The following EIF3D variants were observed in gnomAD, a reference collection of about 807,000 sequenced individuals.
EIF3D encodes eukaryotic translation initiation factor 3 subunit D, also known as eIF3 p66.
A neutral mutation model predicts 75.4 loss-of-function variants in EIF3D; 10 were observed. That is an observed-to-expected ratio of 0.13 (90% CI 0.08 to 0.22). The LOEUF is 0.22. Ranked by LOEUF, EIF3D falls within the 10% of genes least tolerant of loss-of-function variation. The pLI is 1.00. For missense variants in EIF3D, 394 were observed against 708.0 expected (o/e 0.56, Z 5.03); for synonymous variants, 246 against 248.3 (o/e 0.99, Z 0.09).
intron 6 of EIF3D, among the ~76,000 whole-genome samples, chr22:36,521,862 G>A (rs754367830): frequency 1.3e-5 from 2 of 151,536 alleles, no homozygotes; most frequent in Non-Finnish European, 2.9e-5. Context: ...ACTTTAACCC[G>A]GGAGGCGGAG....
chr22:36,514,539 G>A (rs752938513), intron 12 of EIF3D, among the ~76,000 whole-genome samples: 38 of 148,526 alleles, frequency 2.6e-4, no homozygotes, highest in East Asian at 1.0e-3. Context: ...GGTCGGAGAC[G>A]GAGGAAGTCA....
Position 36,523,975 on chromosome 22 carries a change from G to A in EIF3D, c.312C>T (p.Asn104=). 1 of 1,614,058 alleles carries A rather than the reference G, an allele frequency of 6.2e-7. No homozygotes were observed. Among genetic ancestry groups the A allele is most frequent in the Non-Finnish European group, 8.5e-7 (1 of 1,180,000 alleles). Residue 104 remains asparagine (N), a synonymous_variant, in exon 5 of 15, where the codon AAC becomes AAT. Coordinates refer to ENST00000216190, the MANE Select transcript of EIF3D (RefSeq NM_003753.4). ...TCCGACGATCTTTGTCTCTGCGGAG[G>A]TTCCTCTGGGCATCAGCAAGAAACA... ...QRNRMRFAQR[N]LRRDKDRRNM...
chr22:36,517,087 C>T (rs932944371), intron 10 of EIF3D, among the ~76,000 whole-genome samples: 1 of 152,166 alleles, frequency 6.6e-6, no homozygotes, highest in African/African-American at 2.4e-5. Context: ...TGTGTTTCCT[C>T]CTCCACTATC....
Position 36,524,645 on chromosome 22 carries a change from G to A in EIF3D, c.257C>T (p.Ala86Val), listed in dbSNP as rs200745110. The A allele has an allele frequency of 6.1e-5, 98 of 1,614,114 alleles. No individual in the cohort carries two copies. In the East Asian group the frequency reaches 1.4e-3, roughly 23 times the overall value. Residue 86 changes from alanine to valine, a missense_variant, in exon 4 of 15, where the codon GCG (alanine) becomes GTG (valine). Physicochemically the swap from Ala to Val is moderately conservative, Grantham distance 64 (BLOSUM62 0). Coordinates refer to ENST00000216190, the MANE Select transcript of EIF3D (RefSeq NM_003753.4). ...DESSFQLVDT[A>V]RTQKTAYQRN... The stretch of plus-strand genomic sequence containing the variant: ...CTGGTAGGCCGTCTTCTGTGTGCGC[G>A]CTGTATCCACCAGCTGGAAGCTACT...
In EIF3D at chr22:36,524,702, C is replaced by T. The variant is rs1340323473; in HGVS notation, c.200G>A (p.Ser67Asn). 3.1e-6 allele frequency: 5 copies of T among 1,614,110 alleles called. No homozygotes were observed. The highest frequency in any genetic ancestry group is 3.4e-6 in the Non-Finnish European group (4 of 1,180,062). The change falls in exon 4 of 15, where the codon AGT (serine) becomes AAT (asparagine). Residue 67 changes from serine (S) to asparagine (N), a missense_variant. Transcript: ENST00000216190. ...CTCCTCATGGAAATAAGCATATTGA[C>T]TTCCACCACCAAACTGAGAGGAGTA... ...NKYSSQFGGGSQYAYFHEEDE... is the reference protein window; with the variant it reads ...NKYSSQFGGGNQYAYFHEEDE...
At chr22:36,514,346 G>C (rs1243279946) in intron 12 of EIF3D, among the ~76,000 whole-genome samples, 5 of 120,402 alleles carry the variant, frequency 4.2e-5, no homozygotes, top group African/African-American at 1.5e-4. Context: ...TGCCCTTGCA[G>C]AGTCTCCTCC....
chr22:36,525,730 C>G (rs375367466), intron 2 of EIF3D, 21 bp from the exon 3 acceptor site: 6 of 1,610,368 alleles, frequency 3.7e-6, no homozygotes, highest in Non-Finnish European at 5.1e-6. Context: ...CAAGAAAAGA[C>G]AGAGAATGCA....
Position 36,516,747 on chromosome 22 carries a change from TC to T in EIF3D, c.1033del (p.Glu345ArgfsTer37). ...GATTTCATTCTTATCCATGTCGTCC[TC>T]CACAAACGGGTTTGGGTTGGGGAAG... is the stretch of plus-strand genomic sequence containing the variant. ...YNFPNPNPFV[E>X]DDMDKNEIAS... On this transcript the variant is annotated frameshift_variant, in exon 11 of 15. Coordinates refer to ENST00000216190, the MANE Select transcript of EIF3D (RefSeq NM_003753.4). LOFTEE classifies it high-confidence loss of function. The T allele has an allele frequency of 6.2e-7, 1 of 1,614,224 alleles. No individual in the cohort carries two copies. Among genetic ancestry groups the T allele is most frequent in the Non-Finnish European group, 8.5e-7 (1 of 1,180,038 alleles).
intron 6 of EIF3D, among the ~76,000 whole-genome samples, chr22:36,522,619 G>A (rs1934531427): frequency 6.6e-6 from 1 of 152,158 alleles, no homozygotes. Context: ...AAAATCCCGA[G>A]ACAGAAAACA....
At chr22:36,512,750 CAT>C in intron 12 of EIF3D, 148 bp from the exon 13 acceptor site, 1 of 890,984 alleles carries the variant, frequency 1.1e-6, no homozygotes, top group South Asian at 1.8e-5. Context: ...GAGACAAAGA[CAT>C]AGTCCCTTCC....
chr22:36,511,046 TATG>T (rs749769725), intron 14 of EIF3D, 46 bp from the exon 15 acceptor site: 1 of 1,594,070 alleles, frequency 6.3e-7, no homozygotes, highest in South Asian at 1.1e-5. Flanking sequence ...GGTTGTGTGA[TATG>T]ATGTTCACTT....
chr22:36,519,068 T>C (rs988069885), intron 8 of EIF3D, among the ~76,000 whole-genome samples, 158 bp from the exon 9 acceptor site: 1 of 152,244 alleles, frequency 6.6e-6, no homozygotes, highest in Non-Finnish European at 1.5e-5. Context: ...AGCCAGCAAG[T>C]TTCGGGTGGC....
At chr22:36,521,660 C>T (rs111413157) in intron 6 of EIF3D, among the ~76,000 whole-genome samples, 9,786 of 151,874 alleles carry the variant, frequency 0.064, 1,086 homozygotes, top group African/African-American at 0.23. Context: ...GGTGTGGTGC[C>T]TCACGCCTGT....
intron 12 of EIF3D, among the ~76,000 whole-genome samples, chr22:36,513,432 A>T (rs1350723050): frequency 1.3e-5 from 2 of 151,554 alleles, no homozygotes; most frequent in Non-Finnish European, 2.9e-5. Flanking sequence ...CCTCCCTAGT[A>T]GTTGGGATTA....
intron 9 of EIF3D, among the ~76,000 whole-genome samples, chr22:36,518,237 T>C (rs1220836186): frequency 6.6e-6 from 1 of 152,174 alleles, no homozygotes. Context: ...ACACCTCTAA[T>C]CGCAGCACTT....
At chr22:36,516,812 A>G in intron 10 of EIF3D, 22 bp from the exon 11 acceptor site, 6 of 1,609,418 alleles carry the variant, frequency 3.7e-6, no homozygotes, top group Non-Finnish European at 4.3e-6. Flanking sequence ...AAGGTGTCAC[A>G]AGACAGAGCT....
chr22:36,528,114 C>G (rs764706420), intron 1 of EIF3D, among the ~76,000 whole-genome samples: 1 of 152,160 alleles, frequency 6.6e-6, no homozygotes, highest in African/African-American at 2.4e-5. Flanking sequence ...CCCCCCACCC[C>G]TACTTTAGAG....
intron 12 of EIF3D, among the ~76,000 whole-genome samples, chr22:36,515,413 A>C (rs1481662828): frequency 2.6e-5 from 4 of 152,106 alleles, no homozygotes; most frequent in Non-Finnish European, 5.9e-5. Context: ...CTATAATCCT[A>C]GCTACTCGGG....
chr22:36,520,482 C>T (rs1934495568), intron 7 of EIF3D, 94 bp downstream of exon 7: 1 of 877,962 alleles, frequency 1.1e-6, no homozygotes, highest in Non-Finnish European at 1.7e-6. Flanking sequence ...GCTTCAAAGC[C>T]TTTTTGGAAA....
Sources: allele counts gnomAD v4.1 joint callset (sites outside exome capture counted in the v4.1 genomes callset), GRCh38; gene constraint gnomAD v4.1.1; transcripts MANE v1.5; gene names NCBI Gene and HGNC (gene_info 2026-07-23, HGNC 2026-07-21).